Variants in FAM193A observed in about 807,000 individuals in gnomAD.
FAM193A encodes the protein family with sequence similarity 193 member A, also known as protein FAM193A.
FAM193A carries 22 observed loss-of-function variants against 126.5 expected under a neutral mutation model. The ratio of observed to expected loss-of-function variants is 0.17; its 90% CI spans 0.12 to 0.25. FAM193A has a LOEUF of 0.25. FAM193A is among the 10% of genes least tolerant of loss of function. FAM193A has a pLI of 1.00. For missense variants in FAM193A, 1,675 were observed against 1,672.8 expected, an observed-to-expected ratio of 1.00 and a Z score of -0.02; for synonymous variants, 761 against 646.8, an observed-to-expected ratio of 1.18 and a Z score of -2.68.
rs776758105 is a variant in FAM193A, at chr4:2,731,857, G to A, written c.4537G>A (p.Ala1513Thr). 6.2e-7 allele frequency: 1 copy of A among 1,610,682 alleles called. No homozygotes were observed. Among genetic ancestry groups the A allele is most frequent in the Non-Finnish European group, 8.5e-7 (1 of 1,177,410 alleles). The change falls in exon 21 of 21, where the codon GCT becomes ACT. Residue 1513 changes from alanine to threonine, a missense_variant. Around this residue, in one of 4 missense-constraint regions of FAM193A, gnomAD observed 20 missense variants for 52.2 expected, o/e 0.38. Transcript: ENST00000637812. ...SNFSLKKATF[A>T]AH is the part of the protein sequence containing the mutation. Reference sequence around the variant, plus strand: ...TTTTAGCTTGAAAAAAGCCACCTTTGCTGCCCACTGAATGAGGACTCCCTG... The same window carrying A: ...TTTTAGCTTGAAAAAAGCCACCTTTACTGCCCACTGAATGAGGACTCCCTG...
At chr4:2,704,052 G>A (rs1475580324) in intron 19 of FAM193A, among the ~76,000 whole-genome samples, 1 of 151,700 alleles carries the variant, frequency 6.6e-6, no homozygotes, top group East Asian at 1.9e-4. Flanking sequence ...CGGATCACGA[G>A]GTCAGGAGAT....
At chr4:2,556,695 T>C (rs1738282171) in intron 1 of FAM193A, among the ~76,000 whole-genome samples, 1 of 152,192 alleles carries the variant, frequency 6.6e-6, no homozygotes, top group African/African-American at 2.4e-5. Context: ...AAAGGAAATG[T>C]TTTAATTTCT....
chr4:2,698,081 T>G (rs537246954), intron 18 of FAM193A, among the ~76,000 whole-genome samples: 2 of 152,324 alleles, frequency 1.3e-5, no homozygotes, highest in Admixed American at 1.3e-4. Flanking sequence ...CTTTCTACGC[T>G]GCACCCATTT....
intron 5 of FAM193A, 38 bp downstream of exon 5, chr4:2,631,207 A>T: frequency 6.4e-7 from 1 of 1,562,266 alleles, no homozygotes. Context: ...TGTTTGGATG[A>T]GCTGAAGAGA....
At chr4:2,603,606 G>T (rs1028058945) in intron 2 of FAM193A, among the ~76,000 whole-genome samples, 1 of 151,126 alleles carries the variant, frequency 6.6e-6, no homozygotes, top group African/African-American at 2.4e-5. Flanking sequence ...ACGGGTGCAT[G>T]CCACCACGCC....
intron 6 of FAM193A, 144 bp downstream of exon 6, chr4:2,640,003 C>G: frequency 1.3e-6 from 1 of 744,086 alleles, no homozygotes; most frequent in Non-Finnish European, 2.0e-6. Context: ...ATAGTTTGGG[C>G]CAAAAGCTCA....
chr4:2,537,890 T>C (rs974339401), intron 1 of FAM193A, among the ~76,000 whole-genome samples: 1 of 152,176 alleles, frequency 6.6e-6, no homozygotes, highest in Non-Finnish European at 1.5e-5. Context: ...GAAAGGTGAT[T>C]TTTTTCAGTT....
intron 2 of FAM193A, among the ~76,000 whole-genome samples, chr4:2,601,691 C>A (rs189791320): frequency 2.0e-5 from 3 of 150,996 alleles, no homozygotes; most frequent in Admixed American, 2.0e-4. Flanking sequence ...GAGTTCAAGA[C>A]CAACCTGGCT....
At chr4:2,649,564 C>T (rs116676066) in intron 7 of FAM193A, among the ~76,000 whole-genome samples, 4,829 of 150,992 alleles carry the variant, frequency 0.032, 236 homozygotes, top group African/African-American at 0.11. Context: ...TTCAGCTACT[C>T]GGGAGGCTGA....
At chr4:2,659,699 C>CTGGCCCATTGGACCTTCACTG in intron 9 of FAM193A, 29 bp downstream of exon 9, 1 of 1,610,590 alleles carries the variant, frequency 6.2e-7, no homozygotes, top group Non-Finnish European at 8.5e-7. Context: ...GTCAGCACGA[C>CTGGCCCATTGGACCTTCACTG]TGGCCCATTG....
chr4:2,566,488 G>GAGACCAGCCTGGCC (rs900564171), intron 1 of FAM193A, among the ~76,000 whole-genome samples: 2 of 152,070 alleles, frequency 1.3e-5, no homozygotes, highest in African/African-American at 4.8e-5. Context: ...TCAGAAGTTT[G>GAGACCAGCCTGGCC]AGACCAGCCT....
In FAM193A at chr4:2,659,554, C is replaced by A; in HGVS notation, c.1390-4C>A. The A allele has an allele frequency of 6.2e-7, 1 of 1,604,434 alleles. No individual in the cohort carries two copies. The highest frequency in any genetic ancestry group is 8.5e-7 in the Non-Finnish European group (1 of 1,171,224). ...AGATTAAAGCATTTTAAAATTTCCT[C>A]TAGTTAACCAATAAGAAAGCAGTTA... is the stretch of plus-strand genomic sequence containing the variant. On this transcript the variant is annotated splice_region_variant and splice_polypyrimidine_tract_variant and intron_variant, in intron 8 of 20. Transcript: ENST00000637812.
intron 20 of FAM193A, among the ~76,000 whole-genome samples, 172 bp downstream of exon 20, chr4:2,716,276 C>T (rs542936781): frequency 5.3e-4 from 81 of 152,312 alleles, no homozygotes; most frequent in African/African-American, 1.9e-3. Flanking sequence ...CACACACACC[C>T]CTCCCATACT....
chr4:2,553,151 G>C (rs1041493798), intron 1 of FAM193A, among the ~76,000 whole-genome samples: 1 of 151,954 alleles, frequency 6.6e-6, no homozygotes, highest in Non-Finnish European at 1.5e-5. Flanking sequence ...CCTGGCCGAA[G>C]TTTCATTTTC....
chr4:2,730,377 G>A (rs145959801), intron 20 of FAM193A, among the ~76,000 whole-genome samples: 2 of 152,112 alleles, frequency 1.3e-5, no homozygotes, highest in African/African-American at 2.4e-5. Flanking sequence ...CAATTTTTTC[G>A]AGGCCTCTGC....
intron 12 of FAM193A, among the ~76,000 whole-genome samples, chr4:2,670,068 T>C (rs1713610899): frequency 6.6e-6 from 1 of 152,340 alleles, no homozygotes; most frequent in African/African-American, 2.4e-5. Flanking sequence ...GACTTGGTTC[T>C]GCACATGCTG....
chr4:2,631,547 C>G (rs1486698540), intron 5 of FAM193A, among the ~76,000 whole-genome samples: 3 of 152,152 alleles, frequency 2.0e-5, no homozygotes, highest in Non-Finnish European at 4.4e-5. Context: ...GTAGACAGAG[C>G]TGGTATTAGG....
chr4:2,638,855 GCAGACCT>G (rs1312196889), intron 5 of FAM193A, among the ~76,000 whole-genome samples: 1 of 152,220 alleles, frequency 6.6e-6, no homozygotes, highest in Non-Finnish European at 1.5e-5. Flanking sequence ...GTAAACAGGA[GCAGACCT>G]CTAAACCCAG....
At chr4:2,705,072 C>T (rs971023891) in intron 19 of FAM193A, among the ~76,000 whole-genome samples, 9 of 152,130 alleles carry the variant, frequency 5.9e-5, no homozygotes, top group African/African-American at 1.2e-4. Flanking sequence ...CTACCACGCC[C>T]GGCTAATTTT....
Sources: allele counts gnomAD v4.1 joint callset (sites outside exome capture counted in the v4.1 genomes callset), GRCh38; gene constraint gnomAD v4.1.1; regional missense constraint gnomAD v4.1.1; transcripts MANE v1.5; gene names NCBI Gene and HGNC (gene_info 2026-07-23, HGNC 2026-07-21).